SKI: variants seen among roughly 807,000 people sequenced by gnomAD.
The protein encoded by SKI is SKI proto-oncogene, also known as ski oncogene.
In SKI, 23 loss-of-function variants were observed where a neutral mutation model predicts 59.3. The observed-to-expected ratio is 0.39, with a 90% CI of 0.28 to 0.55. SKI has a LOEUF of 0.55. SKI is among the 20% of genes least tolerant of loss of function. SKI has a pLI of 0.67. For missense variants in SKI, 1,017 were observed against 1,038.9 expected, an observed-to-expected ratio of 0.98 and a Z score of 0.29; for synonymous variants, 673 against 488.6, an observed-to-expected ratio of 1.38 and a Z score of -4.98.
chr1:2,280,652 C>A lies in SKI; in HGVS notation c.970-22326C>A, dbSNP rs775466750. 1.0e-3 allele frequency among the ~76,000 whole-genome samples: 116 copies of A among 111,988 alleles called. 2 individuals are homozygous for A. In the East Asian group the frequency reaches 0.025, roughly 24 times the overall value. The allele number at this position is 111,988 out of a possible 152,430, so 73.5% of individuals were successfully genotyped here. On this transcript the variant is annotated intron_variant, in intron 1 of 6. Transcript: ENST00000378536. ...GCGGCGGCGATCTTCAGAGAGAGGA[C>A]ACCCGAGAAGACAGGCGGCGGCGGC...
chr1:2,256,655 C>T (rs924604135), intron 1 of SKI, among the ~76,000 whole-genome samples: 3 of 152,230 alleles, frequency 2.0e-5, no homozygotes, highest in Non-Finnish European at 4.4e-5. Flanking sequence ...ACTGGGCACC[C>T]GTGTATGGAG....
intron 1 of SKI, among the ~76,000 whole-genome samples, chr1:2,291,819 T>C (rs2132303): frequency 0.88 from 133,712 of 152,290 alleles, 58,924 homozygotes; most frequent in African/African-American, 0.95. Context: ...TCAACAGCGC[T>C]AAAGTAACAG....
chr1:2,234,606 C>G (rs1331795775), intron 1 of SKI, among the ~76,000 whole-genome samples: 1 of 152,184 alleles, frequency 6.6e-6, no homozygotes, highest in Non-Finnish European at 1.5e-5. Context: ...GGCAGGGCCT[C>G]CAGAGAGAAG....
chr1:2,285,137 C>T (rs565068505), intron 1 of SKI, among the ~76,000 whole-genome samples: 5 of 152,232 alleles, frequency 3.3e-5, no homozygotes, highest in Admixed American at 1.3e-4. Context: ...TGGACTTGTC[C>T]CCATCTGTCT....
intron 1 of SKI, among the ~76,000 whole-genome samples, chr1:2,257,407 C>A (rs1218032710): frequency 6.6e-6 from 1 of 152,274 alleles, no homozygotes; most frequent in Admixed American, 6.5e-5. Context: ...AGCCCCGATC[C>A]TGCTTCTGCA....
rs1327667901 is a variant in SKI at position 2,303,263 on chromosome 1, A to G, written c.1096-22A>G. 9 of 1,611,458 alleles carry G rather than the reference A, an allele frequency of 5.6e-6. No homozygotes were observed. Among genetic ancestry groups the G allele is most frequent in the Non-Finnish European group, 7.6e-6 (9 of 1,178,870 alleles). On this transcript the variant is annotated intron_variant, in intron 2 of 6. Transcript: ENST00000378536. The surrounding 1 kb of genome is among the most constrained non-coding windows in gnomAD (Gnocchi z 5.6). ...GCTTGTTTTTCTCCTGGTCACTCAC[A>G]CAGACAACTCTTTCTCGACAGAGCC... is the stretch of plus-strand genomic sequence containing the variant.
rs1466985408 is a variant in SKI, at chr1:2,307,544, G to C, written c.*779G>C. On this transcript the variant is annotated 3_prime_UTR_variant, in exon 7 of 7. Coordinates refer to ENST00000378536, the MANE Select transcript of SKI (RefSeq NM_003036.4). ...ACGAGGCACTGACCTGCGTCGGGTG[G>C]TGACCGTGGCTGGCGGTCACGCCCT... 2 of 152,428 alleles carry C rather than the reference G, an allele frequency of 1.3e-5. No individual in the cohort carries two copies. The highest frequency in any genetic ancestry group is 2.9e-5 in the Non-Finnish European group (2 of 68,038). The allele number at this position is 152,428 out of a possible 1,614,324, so 9.4% of individuals were successfully genotyped here.
In SKI at chr1:2,303,398, C is replaced by T. The variant is rs1640477430; in HGVS notation, c.1209C>T (p.Asp403=). 1 of 1,610,896 alleles carries T rather than the reference C, an allele frequency of 6.2e-7. No homozygotes were observed. ...CACACCTCCCGGCCCTCATCCGAGA[C>T]AGGTGAGTGGGCGCCATTCACAGGT... ...LSPHLPALIR[D]SFYSYKSFET... The change falls in exon 3 of 7, where the codon GAC becomes GAT. Residue 403 remains aspartate (D), a splice_region_variant and synonymous_variant. Coordinates refer to ENST00000378536, the MANE Select transcript of SKI (RefSeq NM_003036.4). The surrounding 1 kb of genome is among the most constrained non-coding windows in gnomAD (Gnocchi z 5.6).
intron 1 of SKI, among the ~76,000 whole-genome samples, chr1:2,266,071 T>C (rs1639494569): frequency 6.6e-6 from 1 of 152,174 alleles, no homozygotes; most frequent in Non-Finnish European, 1.5e-5. Context: ...TGTGATTTTT[T>C]TTTAGGTGGG....
At chr1:2,305,175 C>A (rs142034447) in intron 5 of SKI, among the ~76,000 whole-genome samples, 29 of 152,236 alleles carry the variant, frequency 1.9e-4, no homozygotes, top group Non-Finnish European at 7.3e-5. Context: ...TCTCTGGGCT[C>A]TGCCTCACGG....
In SKI at chr1:2,303,744, T is replaced by C. The variant is rs1640487080; in HGVS notation, c.1212-96T>C. 1.3e-6 allele frequency: 2 copies of C among 1,489,984 alleles called. No individual in the cohort carries two copies. The highest frequency in any genetic ancestry group is 2.8e-5 in the African/African-American group (2 of 72,478). 92.3% of individuals were successfully genotyped at this position (1,489,984 alleles called of 1,614,324 possible). ...GAAGATTCGGAGCTGGGAAAGTCTT[T>C]CCTGTTTAACACCTTCAGAGGGGGT... On this transcript the variant is annotated intron_variant, in intron 3 of 6. Transcript: ENST00000378536. The surrounding 1 kb of genome is among the most constrained non-coding windows in gnomAD (Gnocchi z 5.6).
chr1:2,292,578 A>AG (rs920418990), intron 1 of SKI, among the ~76,000 whole-genome samples: 2 of 152,170 alleles, frequency 1.3e-5, no homozygotes, highest in Admixed American at 6.5e-5. Context: ...GCTCTGATGG[A>AG]GGGGTGTGTA....
chr1:2,295,042 G>A (rs1640251652), intron 1 of SKI, among the ~76,000 whole-genome samples: 1 of 152,262 alleles, frequency 6.6e-6, no homozygotes, highest in Admixed American at 6.5e-5. Context: ...GGAGCTTTCT[G>A]TTCTTGATGG....
chr1:2,260,216 C>G (rs1051820162), intron 1 of SKI, among the ~76,000 whole-genome samples: 3 of 152,164 alleles, frequency 2.0e-5, no homozygotes, highest in Non-Finnish European at 1.5e-5. Flanking sequence ...GATGGGTGTG[C>G]GGCGGCATCT....
intron 1 of SKI, among the ~76,000 whole-genome samples, chr1:2,244,762 T>A (rs1257958230): frequency 1.3e-5 from 2 of 152,196 alleles, no homozygotes; most frequent in African/African-American, 4.8e-5. Context: ...AAAATAAACA[T>A]AATGTTGACC....
chr1:2,271,721 G>A (rs937286036), intron 1 of SKI, among the ~76,000 whole-genome samples: 1 of 151,622 alleles, frequency 6.6e-6, no homozygotes, highest in Middle Eastern at 3.2e-3. Flanking sequence ...GGTCCCCTGG[G>A]GGGGGGTAGG....
At chr1:2,263,202 CTT>C (rs996082130) in intron 1 of SKI, among the ~76,000 whole-genome samples, 1 of 137,250 alleles carries the variant, frequency 7.3e-6, no homozygotes, top group African/African-American at 2.7e-5. Flanking sequence ...TGTTTGGCCT[CTT>C]GAGTTTTATT....
At chr1:2,275,258 C>T (rs757103333) in intron 1 of SKI, among the ~76,000 whole-genome samples, 12 of 152,220 alleles carry the variant, frequency 7.9e-5, no homozygotes, top group South Asian at 4.1e-4. Flanking sequence ...GGCCGGCCCA[C>T]GGCTCCGCTC....
chr1:2,289,196 C>T (rs1174527863), intron 1 of SKI, among the ~76,000 whole-genome samples: 1 of 152,208 alleles, frequency 6.6e-6, no homozygotes, highest in Non-Finnish European at 1.5e-5. Context: ...TGCAGCTCCT[C>T]TGTTATGTTG....
Sources: allele counts gnomAD v4.1 joint callset (sites outside exome capture counted in the v4.1 genomes callset), GRCh38; gene constraint gnomAD v4.1.1; non-coding constraint Gnocchi (gnomAD v3.1); transcripts MANE v1.5; gene names NCBI Gene and HGNC (gene_info 2026-07-23, HGNC 2026-07-21).